Variants in NALCN observed in about 807,000 individuals in gnomAD.
NALCN encodes the protein sodium leak channel NALCN.
In NALCN, 111 loss-of-function variants were observed where a neutral mutation model predicts 225.3. The observed-to-expected ratio is 0.49, with a 90% CI of 0.42 to 0.58. The LOEUF is 0.58. Ranked by LOEUF, NALCN falls within the 20% of genes least tolerant of loss-of-function variation. The pLI is 0.00. For missense variants in NALCN, 1,378 were observed against 2,202.4 expected (o/e 0.63, Z 7.49); for synonymous variants, 764 against 769.0 (o/e 0.99, Z 0.11).
chr13:101,182,250 C>T (rs1339456989), intron 14 of NALCN, among the ~76,000 whole-genome samples: 2 of 151,344 alleles, frequency 1.3e-5, no homozygotes, highest in African/African-American at 2.4e-5. Context: ...CAGAGCAGGA[C>T]AGAGAGAGCC....
chr13:101,071,653 C>CG (rs1019882932), intron 37 of NALCN, among the ~76,000 whole-genome samples: 2 of 152,130 alleles, frequency 1.3e-5, no homozygotes, highest in Admixed American at 6.6e-5. Flanking sequence ...CTACTGAGAC[C>CG]GGTAAAATTT....
At chr13:101,333,545 T>C (rs2045260360) in intron 7 of NALCN, among the ~76,000 whole-genome samples, 1 of 152,136 alleles carries the variant, frequency 6.6e-6, no homozygotes. Context: ...TAGAAGCACT[T>C]TGTCAAAGGC....
intron 14 of NALCN, among the ~76,000 whole-genome samples, chr13:101,183,488 C>A (rs1278449257): frequency 6.6e-6 from 1 of 152,166 alleles, no homozygotes; most frequent in African/African-American, 2.4e-5. Context: ...GAGGCAGAGT[C>A]TCTCTCTGTC....
At chr13:101,080,630 T>A (rs9518297) in intron 34 of NALCN, among the ~76,000 whole-genome samples, 49,630 of 144,280 alleles carry the variant, frequency 0.34, 9,225 homozygotes, top group African/African-American at 0.46. Flanking sequence ...AATTAATTAT[T>A]TAATTAAATA....
chr13:101,211,360 A>T (rs1233101034), intron 13 of NALCN, among the ~76,000 whole-genome samples: 1 of 152,082 alleles, frequency 6.6e-6, no homozygotes, highest in Non-Finnish European at 1.5e-5. Context: ...AGGGGTAGGA[A>T]ACAGGATGCT....
chr13:101,397,183 G>A (rs2047334246), intron 2 of NALCN, among the ~76,000 whole-genome samples: 1 of 144,360 alleles, frequency 6.9e-6, no homozygotes, highest in Non-Finnish European at 1.5e-5. Flanking sequence ...TATGTTTCAT[G>A]TAAATACACA....
At chr13:101,389,330 G>C (rs2047077930) in intron 3 of NALCN, among the ~76,000 whole-genome samples, 1 of 152,182 alleles carries the variant, frequency 6.6e-6, no homozygotes, top group South Asian at 2.1e-4. Context: ...ATGTAAACTG[G>C]TAGGCTGCAA....
At chr13:101,308,265 G>C (rs925080640) in intron 7 of NALCN, among the ~76,000 whole-genome samples, 2 of 152,162 alleles carry the variant, frequency 1.3e-5, no homozygotes, top group African/African-American at 2.4e-5. Flanking sequence ...CTCAGTGAGG[G>C]AATATGTTTC....
chr13:101,319,467 C>T (rs1371582453), intron 7 of NALCN, among the ~76,000 whole-genome samples: 9 of 152,160 alleles, frequency 5.9e-5, no homozygotes, highest in Non-Finnish European at 1.2e-4. Flanking sequence ...ACTCAGAAAA[C>T]ACAATACCTT....
chr13:101,209,069 C>T (rs960858271), intron 13 of NALCN, among the ~76,000 whole-genome samples: 2 of 152,108 alleles, frequency 1.3e-5, no homozygotes, highest in African/African-American at 4.8e-5. Flanking sequence ...GGTGCTGTTC[C>T]TCACTGCTTC....
intron 6 of NALCN, among the ~76,000 whole-genome samples, chr13:101,348,624 T>C (rs2045815908): frequency 6.6e-6 from 1 of 152,140 alleles, no homozygotes; most frequent in African/African-American, 2.4e-5. Context: ...AATTTATAAA[T>C]ATTAGAGTAT....
intron 13 of NALCN, among the ~76,000 whole-genome samples, chr13:101,216,026 A>T (rs1000817638): frequency 2.0e-5 from 3 of 152,122 alleles, no homozygotes; most frequent in South Asian, 2.1e-4. Context: ...GTAGGGGATG[A>T]TGCAGGGTAT....
In NALCN at chr13:101,104,577, T is replaced by G. The variant is rs542444017; in HGVS notation, c.2710A>C (p.Met904Leu). 4.3e-6 allele frequency: 7 copies of G among 1,613,882 alleles called. No individual in the cohort carries two copies. The highest frequency in any genetic ancestry group is 5.9e-6 in the Non-Finnish European group (7 of 1,179,904). ...ACTCTTCGAAACGGGGACTCAAACA[T>G]CATGGAAATGCAAGAGCAGATGGTT... Reference protein sequence around the residue: ...IVTICSCISMMFESPFRRVMH... With the variant: ...IVTICSCISMLFESPFRRVMH... Residue 904 changes from methionine to leucine, a missense_variant, in exon 24 of 44, where the codon ATG becomes CTG. Around this residue, in one of 19 missense-constraint regions of NALCN, gnomAD observed 292 missense variants for 409.5 expected, o/e 0.71. Transcript: ENST00000251127. The surrounding 1 kb of genome is among the most constrained non-coding windows in gnomAD (Gnocchi z 4.2).
chr13:101,128,904 A>G lies in NALCN; in HGVS notation c.2119-4223T>C, dbSNP rs2036374598. 2.6e-5 allele frequency among the ~76,000 whole-genome samples: 4 copies of G among 152,256 alleles called. No individual in the cohort carries two copies. The Middle Eastern group carries it at 0.014, about 518-fold the overall frequency. On this transcript the variant is annotated intron_variant, in intron 17 of 43. Coordinates refer to ENST00000251127, the MANE Select transcript of NALCN (RefSeq NM_052867.4). ...TTTGCTGAAAGCACACTCTTGGTAC[A>G]GTTCAACACGTTCTTCTGTCTTCTA...
intron 39 of NALCN, among the ~76,000 whole-genome samples, chr13:101,067,464 T>C (rs907275556): frequency 6.6e-6 from 1 of 152,194 alleles, no homozygotes; most frequent in Non-Finnish European, 1.5e-5. Flanking sequence ...GTAAACTTTA[T>C]GGTTAAAACA....
chr13:101,284,813 G>T (rs532526079), intron 9 of NALCN, among the ~76,000 whole-genome samples: 1 of 151,976 alleles, frequency 6.6e-6, no homozygotes, highest in Non-Finnish European at 1.5e-5. Flanking sequence ...TTATCTCCTA[G>T]GTATCATCAC....
intron 7 of NALCN, among the ~76,000 whole-genome samples, chr13:101,298,441 C>T (rs2043833854): frequency 6.6e-6 from 1 of 152,062 alleles, no homozygotes; most frequent in Non-Finnish European, 1.5e-5. Flanking sequence ...CTGCCTCAGC[C>T]TCCCCAAGTA....
At chr13:101,094,757 G>A (rs922010117) in intron 28 of NALCN, among the ~76,000 whole-genome samples, 4 of 152,172 alleles carry the variant, frequency 2.6e-5, no homozygotes, top group African/African-American at 9.7e-5. Context: ...CCAAAGAGAG[G>A]TAACAGTGAG....
At chr13:101,093,283 T>C (rs2034330593) in intron 28 of NALCN, among the ~76,000 whole-genome samples, 1 of 152,264 alleles carries the variant, frequency 6.6e-6, no homozygotes, top group Non-Finnish European at 1.5e-5. Context: ...ATTTATGTCC[T>C]AATTATAATT....
Sources: allele counts gnomAD v4.1 joint callset (sites outside exome capture counted in the v4.1 genomes callset), GRCh38; gene constraint gnomAD v4.1.1; regional missense constraint gnomAD v4.1.1; non-coding constraint Gnocchi (gnomAD v3.1); transcripts MANE v1.5; gene names NCBI Gene and HGNC (gene_info 2026-07-23, HGNC 2026-07-21).